PLXDC2: variants seen among roughly 807,000 people sequenced by gnomAD.
PLXDC2 encodes the protein plexin domain-containing protein 2.
In PLXDC2, 40 loss-of-function variants were observed where a neutral mutation model predicts 68.9. The observed-to-expected ratio is 0.58, with a 90% CI of 0.45 to 0.76. The LOEUF is 0.76. Ranked by LOEUF, PLXDC2 falls within the 30% of genes least tolerant of loss-of-function variation. PLXDC2 has a pLI of 0.00. For missense variants in PLXDC2, 644 were observed against 661.9 expected, an observed-to-expected ratio of 0.97 and a Z score of 0.30; for synonymous variants, 243 against 234.2, an observed-to-expected ratio of 1.04 and a Z score of -0.34.
intron 1 of PLXDC2, among the ~76,000 whole-genome samples, chr10:19,875,596 T>C (rs1837617019): frequency 6.6e-6 from 1 of 152,220 alleles, no homozygotes; most frequent in African/African-American, 2.4e-5. Flanking sequence ...GGTGTGTGTG[T>C]GCACACGTGT....
At chr10:20,208,769 G>T (rs1456203748) in intron 9 of PLXDC2, among the ~76,000 whole-genome samples, 3 of 152,048 alleles carry the variant, frequency 2.0e-5, no homozygotes, top group Admixed American at 1.3e-4. Context: ...TTTCATGTAG[G>T]TACTTTTATA....
rs1408722419 is a variant in PLXDC2, at chr10:20,282,497, G to T, written c.*2678G>T. On this transcript the variant is annotated 3_prime_UTR_variant, in exon 14 of 14. Coordinates refer to ENST00000377252, the MANE Select transcript of PLXDC2 (RefSeq NM_032812.9). ...AACTTCTGGATAAATCAGATAAATGGTGCTACAGAGGAATTTAGTTATTTC... is the reference window on the plus strand; with the variant it reads ...AACTTCTGGATAAATCAGATAAATGTTGCTACAGAGGAATTTAGTTATTTC... The T allele has an allele frequency of 6.6e-6, 1 of 152,080 alleles. No individual in the cohort carries two copies. The highest frequency in any genetic ancestry group is 2.4e-5 in the African/African-American group (1 of 41,390). The allele number at this position is 152,080 out of a possible 1,614,324, so 9.4% of individuals were successfully genotyped here. A position where few individuals can be genotyped will look rare whatever the true frequency, so the allele number is the denominator to read the frequency against.
intron 13 of PLXDC2, among the ~76,000 whole-genome samples, chr10:20,271,188 T>G (rs1225024203): frequency 6.9e-6 from 1 of 145,490 alleles, no homozygotes; most frequent in African/African-American, 2.6e-5. Flanking sequence ...TGCAAGAAAA[T>G]ATACCATCCT....
At position 19,817,022 on chromosome 10, in the gene PLXDC2, G is replaced by T; in HGVS notation, c.-58G>T. On this transcript the variant is annotated 5_prime_UTR_variant, in exon 1 of 14. Coordinates refer to ENST00000377252, the MANE Select transcript of PLXDC2 (RefSeq NM_032812.9). ...GGCCCGGTCGTGCCTATTGCATCGG[G>T]AGCCCCCGAGCACCGGCGAAGGACT... 1 of 1,345,574 alleles carries T rather than the reference G, an allele frequency of 7.4e-7. No homozygotes were observed. Among genetic ancestry groups the T allele is most frequent in the Non-Finnish European group, 1.0e-6 (1 of 970,458 alleles). The allele number at this position is 1,345,574 out of a possible 1,614,324, so 83.4% of individuals were successfully genotyped here.
At chr10:20,177,264 G>A in intron 8 of PLXDC2, 64 bp from the exon 9 acceptor site, 2 of 1,421,968 alleles carry the variant, frequency 1.4e-6, no homozygotes, top group East Asian at 2.3e-5. Flanking sequence ...TTCTGGTTGA[G>A]TAATCTCTTT....
chr10:20,018,955 A>G (rs1835258070), intron 2 of PLXDC2, among the ~76,000 whole-genome samples: 1 of 152,114 alleles, frequency 6.6e-6, no homozygotes, highest in Admixed American at 6.5e-5. Context: ...TTGAAGGGGA[A>G]AAAAAAGAAT....
At chr10:20,086,360 T>A (rs56048145) in intron 4 of PLXDC2, among the ~76,000 whole-genome samples, 2 of 141,242 alleles carry the variant, frequency 1.4e-5, no homozygotes, top group South Asian at 2.4e-4. Context: ...ATTTATTTTT[T>A]AATTTTTTTT....
intron 1 of PLXDC2, among the ~76,000 whole-genome samples, chr10:19,901,017 A>AT (rs902484192): frequency 2.1e-5 from 3 of 143,650 alleles, no homozygotes; most frequent in African/African-American, 7.7e-5. Flanking sequence ...GTGTGTGTGT[A>AT]TTCATACATA....
At chr10:20,176,898 C>T (rs1163137183) in intron 7 of PLXDC2, 101 bp from the exon 8 acceptor site, 14 of 776,624 alleles carry the variant, frequency 1.8e-5, no homozygotes, top group Non-Finnish European at 2.8e-5. Context: ...TTTAAAACCA[C>T]ATTGGGCTAT....
chr10:20,132,640 T>C (rs1833882574), intron 4 of PLXDC2, among the ~76,000 whole-genome samples: 1 of 152,164 alleles, frequency 6.6e-6, no homozygotes, highest in African/African-American at 2.4e-5. Flanking sequence ...TCTGATATAG[T>C]TACGGCTACT....
chr10:19,854,689 C>G (rs536865384), intron 1 of PLXDC2, among the ~76,000 whole-genome samples: 13 of 152,270 alleles, frequency 8.5e-5, no homozygotes, highest in East Asian at 5.8e-4. Context: ...GCAATTCCAG[C>G]CTAGCCTGGC....
intron 13 of PLXDC2, among the ~76,000 whole-genome samples, chr10:20,250,926 C>G (rs1367118267): frequency 6.6e-6 from 1 of 151,944 alleles, no homozygotes; most frequent in African/African-American, 2.4e-5. Context: ...AGTTATTATA[C>G]ATTTTGTGGA....
At chr10:20,177,253 A>G (rs574590809) in intron 8 of PLXDC2, 75 bp from the exon 9 acceptor site, 1 of 1,393,286 alleles carries the variant, frequency 7.2e-7, no homozygotes, top group South Asian at 1.2e-5. Flanking sequence ...AGTGATTTTT[A>G]TTCTGGTTGA....
chr10:20,056,298 T>G (rs1395873347), intron 3 of PLXDC2, among the ~76,000 whole-genome samples: 1 of 152,194 alleles, frequency 6.6e-6, no homozygotes, highest in Non-Finnish European at 1.5e-5. Flanking sequence ...GGCCTGACTC[T>G]TTTTCATTGC....
intron 12 of PLXDC2, among the ~76,000 whole-genome samples, chr10:20,221,237 G>A (rs557905527): frequency 6.6e-6 from 1 of 152,164 alleles, no homozygotes; most frequent in African/African-American, 2.4e-5. Context: ...TTATCCCAAT[G>A]AAAATACTTA....
At chr10:19,893,492 A>G (rs1412550714) in intron 1 of PLXDC2, among the ~76,000 whole-genome samples, 1 of 152,216 alleles carries the variant, frequency 6.6e-6, no homozygotes, top group African/African-American at 2.4e-5. Flanking sequence ...GTCATCTAAC[A>G]CAAATACATT....
intron 4 of PLXDC2, among the ~76,000 whole-genome samples, chr10:20,082,077 C>A (rs1413009064): frequency 0.079 from 4,898 of 61,802 alleles, 24 homozygotes; most frequent in East Asian, 0.17. Flanking sequence ...AAAAAAAAAA[C>A]AGGAGAAGTC....
At chr10:19,839,315 C>A (rs1331704409) in intron 1 of PLXDC2, among the ~76,000 whole-genome samples, 1 of 152,162 alleles carries the variant, frequency 6.6e-6, no homozygotes, top group Non-Finnish European at 1.5e-5. Context: ...GCTTTGAATG[C>A]AGCCCAACAC....
chr10:20,238,613 C>G (rs1213996306), intron 12 of PLXDC2, among the ~76,000 whole-genome samples: 1 of 124,314 alleles, frequency 8.0e-6, no homozygotes, highest in Non-Finnish European at 1.8e-5. Flanking sequence ...CACCACTGCA[C>G]TCTAGCTTGG....
Sources: gnomAD v4.1 joint callset for allele counts (sites outside exome capture counted in the v4.1 genomes callset) on GRCh38, gnomAD v4.1.1 for gene constraint, MANE v1.5 for transcripts, NCBI Gene and HGNC (gene_info 2026-07-23, HGNC 2026-07-21) for gene names.